CEP135: variants seen among roughly 807,000 people sequenced by gnomAD.
The protein encoded by CEP135 is centrosomal protein 135, also known as centrosomal protein of 135 kDa.
Under a neutral mutation model 157.3 loss-of-function variants are expected in CEP135, and 142 were observed. That is an observed-to-expected ratio of 0.90 (90% CI 0.79 to 1.04). CEP135 has a LOEUF of 1.04. Among genes scored for constraint, CEP135 ranks in the 50% least tolerant of loss-of-function variants. The pLI is 0.00. For missense variants in CEP135, 1,317 were observed against 1,309.2 expected (o/e 1.01, Z -0.09); for synonymous variants, 396 against 439.8 (o/e 0.90, Z 1.25).
At chr4:55,967,723 T>C (rs533518340) in intron 8 of CEP135, among the ~76,000 whole-genome samples, 30 of 152,304 alleles carry the variant, frequency 2.0e-4, no homozygotes, top group Non-Finnish European at 4.1e-4. Flanking sequence ...TATCACCGAA[T>C]TGATTTTATA....
rs145976897 is a variant in CEP135, at chr4:55,951,757, A to G, written c.-45-329A>G. On this transcript the variant is annotated intron_variant, in intron 1 of 25. Transcript: ENST00000257287. ...ACATTTTAAATTTTGATGAAGTCCA[A>G]TTTATCAAATTTATCTTTTATGTTT... Among the ~76,000 whole-genome samples the G allele has an allele frequency of 2.4e-3, 372 of 152,268 alleles. 1 individual carries two copies. The highest frequency in any genetic ancestry group is 8.2e-3 in the African/African-American group (339 of 41,562).
chr4:55,968,644 A>C (rs1728918722), intron 8 of CEP135, among the ~76,000 whole-genome samples: 2 of 152,216 alleles, frequency 1.3e-5, no homozygotes, highest in African/African-American at 4.8e-5. Context: ...AAGTTGGCTC[A>C]ACAAAATGTT....
At position 55,957,325 on chromosome 4, in the gene CEP135, A is replaced by T. The variant is rs1324886097; in HGVS notation, c.575A>T (p.Asp192Val). Residue 192 changes from aspartate to valine, a missense_variant, in exon 5 of 26, where the codon GAC becomes GTC. By Grantham distance (152) the Asp-to-Val change is radical. Transcript: ENST00000257287. Reference protein sequence around the residue: ...VSSYPVPQPDDPYIADLLQVA... With the variant: ...VSSYPVPQPDVPYIADLLQVA... The stretch of plus-strand genomic sequence containing the variant: ...TCATATCCAGTTCCTCAACCAGATG[A>T]CCCTTACATTGCAGACCTCCTTCAA... 14 of 1,613,838 alleles carry T rather than the reference A, an allele frequency of 8.7e-6. No individual in the cohort carries two copies. The Admixed American group carries it at 2.3e-4, about 27-fold the overall frequency.
In CEP135 at chr4:56,019,456, C is replaced by T. The variant is rs771674558; in HGVS notation, c.3116C>T (p.Thr1039Ile). The T allele has an allele frequency of 9.3e-6, 15 of 1,613,728 alleles. No homozygotes were observed. The highest frequency in any genetic ancestry group is 1.7e-4 in the Middle Eastern group (1 of 6,058). ...TVKNLESLLA[T>I]NRDKEFHSHL... Reference sequence around the variant, plus strand: ...AAAAACCTCGAATCATTGTTGGCTACAAACAGAGATAAAGAATTTCATTCT... The same window carrying T: ...AAAAACCTCGAATCATTGTTGGCTATAAACAGAGATAAAGAATTTCATTCT... The change falls in exon 23 of 26, where the codon ACA becomes ATA. Residue 1039 changes from threonine to isoleucine, a missense_variant. By Grantham distance (89) the Thr-to-Ile change is moderately conservative. Coordinates refer to ENST00000257287, the MANE Select transcript of CEP135 (RefSeq NM_025009.5).
At chr4:56,028,410 C>A (rs888310656) in intron 25 of CEP135, among the ~76,000 whole-genome samples, 5 of 152,118 alleles carry the variant, frequency 3.3e-5, no homozygotes, top group Admixed American at 2.0e-4. Flanking sequence ...TACAATAATT[C>A]TAGTACATGC....
At chr4:55,976,686 C>T (rs1729235012) in intron 11 of CEP135, among the ~76,000 whole-genome samples, 1 of 152,042 alleles carries the variant, frequency 6.6e-6, no homozygotes, top group African/African-American at 2.4e-5. Flanking sequence ...TTTAGAGGCC[C>T]AATAATAAAG....
intron 25 of CEP135, 23 bp from the exon 26 acceptor site, chr4:56,031,337 C>A (rs1267773249): frequency 5.2e-5 from 8 of 152,554 alleles, no homozygotes; most frequent in African/African-American, 1.9e-4. Context: ...TCTTAACCCA[C>A]CTTTCAATTT....
chr4:55,986,717 T>C (rs1035286523), intron 14 of CEP135, among the ~76,000 whole-genome samples: 2 of 152,214 alleles, frequency 1.3e-5, no homozygotes, highest in African/African-American at 4.8e-5. Flanking sequence ...ATGGGTATAC[T>C]GTGTGATGCT....
In CEP135 at chr4:56,032,014, T is replaced by G. The variant is rs1731369062; in HGVS notation, c.*666T>G. ...AAATGTTAACTATCATCATATGGAC[T>G]CTATGTAACACAAATTCAAAAGCAA... On this transcript the variant is annotated 3_prime_UTR_variant, in exon 26 of 26. Coordinates refer to ENST00000257287, the MANE Select transcript of CEP135 (RefSeq NM_025009.5). 6.6e-6 allele frequency: 1 copy of G among 152,336 alleles called. No homozygotes were observed. The highest frequency in any genetic ancestry group is 1.5e-5 in the Non-Finnish European group (1 of 68,028). The allele number at this position is 152,336 out of a possible 1,614,324, so 9.4% of individuals were successfully genotyped here.
intron 7 of CEP135, chr4:55,964,831 A>T (rs1267868772): frequency 6.6e-6 from 1 of 151,044 alleles, no homozygotes; most frequent in African/African-American, 2.4e-5. Flanking sequence ...GTATATATTT[A>T]TTTTATAATG....
Position 55,969,092 on chromosome 4 carries a change from G to A in CEP135, c.1074G>A (p.Met358Ile). 1 of 1,613,228 alleles carries A rather than the reference G, an allele frequency of 6.2e-7. No homozygotes were observed. The highest frequency in any genetic ancestry group is 1.1e-5 in the South Asian group (1 of 90,958). The change falls in exon 9 of 26, where the codon ATG becomes ATA. Residue 358 changes from methionine to isoleucine, a missense_variant. By Grantham distance (10) the Met-to-Ile change is conservative. Transcript: ENST00000257287. ...KKEIKRKLSE[M>I]QDLEETMAKL... The stretch of plus-strand genomic sequence containing the variant: ...AGATTAAAAGAAAGCTCTCTGAAAT[G>A]CAGGATCTTGAAGAAACAATGGCAA...
At chr4:56,023,873 TATATG>T in intron 24 of CEP135, among the ~76,000 whole-genome samples, 1 of 138,596 alleles carries the variant, frequency 7.2e-6, no homozygotes, top group Admixed American at 7.7e-5. Flanking sequence ...TATTATATAA[TATATG>T]ATATATAATG....
intron 13 of CEP135, 72 bp from the exon 14 acceptor site, chr4:55,985,209 A>T (rs1729536606): frequency 9.5e-6 from 7 of 738,170 alleles, no homozygotes; most frequent in Non-Finnish European, 1.7e-5. Flanking sequence ...CTGTAGACTT[A>T]CATTGCTTAC....
At chr4:55,961,870 C>A (rs1728692595) in intron 6 of CEP135, among the ~76,000 whole-genome samples, 1 of 148,658 alleles carries the variant, frequency 6.7e-6, no homozygotes, top group Admixed American at 6.8e-5. Flanking sequence ...TGTACTCAGG[C>A]TATCTTAAGA....
intron 17 of CEP135, among the ~76,000 whole-genome samples, chr4:56,005,464 A>G (rs1430568062): frequency 6.6e-6 from 1 of 152,108 alleles, no homozygotes; most frequent in Non-Finnish European, 1.5e-5. Context: ...CCACAAAGAC[A>G]TAACTAAAAA....
Position 56,020,689 on chromosome 4 carries a change from C to T in CEP135, c.3229C>T (p.Arg1077Trp), listed in dbSNP as rs776389016. 4.1e-5 allele frequency: 66 copies of T among 1,612,972 alleles called. No homozygotes were observed. The East Asian group carries it at 1.1e-3, about 27-fold the overall frequency. ...LSESKLTSQSRENTMLRAKVA... is the reference protein window; with the variant it reads ...LSESKLTSQSWENTMLRAKVA... ...TTTGTTTTTAAGAACTAGTCAAAGC[C>T]GGGAAAACACCATGCTTCGAGCTAA... Residue 1077 changes from arginine (R) to tryptophan (W), a missense_variant, in exon 24 of 26, where the codon CGG becomes TGG. Physicochemically the swap from Arg to Trp is moderately radical, Grantham distance 101. Coordinates refer to ENST00000257287, the MANE Select transcript of CEP135 (RefSeq NM_025009.5).
intron 2 of CEP135, chr4:55,952,546 C>T (rs527843161): frequency 3.2e-4 from 66 of 206,394 alleles, no homozygotes; most frequent in Middle Eastern, 1.7e-3. Flanking sequence ...CTTTTTTTTT[C>T]CCCCCCTTAA....
chr4:55,967,663 T>TCAATTTATCC (rs1311842143), intron 8 of CEP135, among the ~76,000 whole-genome samples: 1 of 152,208 alleles, frequency 6.6e-6, no homozygotes, highest in Non-Finnish European at 1.5e-5. Flanking sequence ...TGGAAAGTGT[T>TCAATTTATCC]CAATTTATCC....
intron 15 of CEP135, among the ~76,000 whole-genome samples, chr4:55,994,790 A>G (rs1173989602): frequency 1.3e-5 from 2 of 151,538 alleles, no homozygotes; most frequent in Non-Finnish European, 2.9e-5. Context: ...GCTTCAAGCA[A>G]TTCTCCTGCC....
Sources: allele counts gnomAD v4.1 joint callset (sites outside exome capture counted in the v4.1 genomes callset), GRCh38; gene constraint gnomAD v4.1.1; transcripts MANE v1.5; gene names NCBI Gene and HGNC (gene_info 2026-07-23, HGNC 2026-07-21).